The following CNTNAP1 variants were observed in gnomAD, a reference collection of about 807,000 sequenced individuals.
CNTNAP1 encodes the protein contactin associated protein 1, also known as contactin-associated protein 1.
A neutral mutation model predicts 161.5 loss-of-function variants in CNTNAP1; 80 were observed. The observed-to-expected ratio is 0.50, with a 90% CI of 0.41 to 0.60. CNTNAP1 has a LOEUF of 0.60. CNTNAP1 is among the 20% of genes least tolerant of loss of function. The pLI is 0.00. For missense variants in CNTNAP1, 1,464 were observed against 1,854.8 expected (o/e 0.79, Z 3.87); for synonymous variants, 695 against 733.1 (o/e 0.95, Z 0.84).
chr17:42,698,445 A>G (rs998274449), intron 23 of CNTNAP1, among the ~76,000 whole-genome samples, 173 bp from the exon 24 acceptor site: 9 of 139,480 alleles, frequency 6.5e-5, no homozygotes, highest in Non-Finnish European at 1.1e-4. Flanking sequence ...CCAAAAGTAA[A>G]TGTGTGTGTG....
At position 42,687,981 on chromosome 17, in the gene CNTNAP1, G is replaced by A. The variant is rs1421087465; in HGVS notation, c.1306G>A (p.Gly436Arg). 1 of 1,611,506 alleles carries A rather than the reference G, an allele frequency of 6.2e-7. No individual in the cohort carries two copies. Residue 436 changes from glycine (G) to arginine (R), a missense_variant and splice_region_variant, in exon 8 of 24, where the codon GGG becomes AGG. Gly to Arg is a moderately radical substitution (Grantham distance 125, BLOSUM62 -2). Coordinates refer to ENST00000264638, the MANE Select transcript of CNTNAP1 (RefSeq NM_003632.3). This position sits in a 1 kb window ranked among gnomAD's most constrained non-coding sequence, Gnocchi z 4.7. ...SGRKKLQFAA[G>R]YRLNDGFWHE... ...CCGAAAGAAGCTTCAGTTCGCTGCT[G>A]GTGAGGGCGTTTCGGGGGAGGCACA...
chr17:42,688,680 T>A (rs1203875101), intron 9 of CNTNAP1, 69 bp downstream of exon 9: 56 of 1,601,736 alleles, frequency 3.5e-5, no homozygotes, highest in Non-Finnish European at 4.7e-5. Context: ...TCCACCCAGA[T>A]GGGGCCACAT....
In CNTNAP1 at chr17:42,686,136, A is replaced by T. The variant is rs74967402; in HGVS notation, c.895A>T (p.Thr299Ser). 378 of 1,614,174 alleles carry T rather than the reference A, an allele frequency of 2.3e-4. No homozygotes were observed. Among genetic ancestry groups the T allele is most frequent in the Admixed American group, 5.2e-4 (31 of 60,022 alleles). Reference sequence around the variant, plus strand: ...AGACTTCGAGAGGCTGAACCTGGACACTGAGGTGAGAGACTAGGGAGGTGC... The same window carrying T: ...AGACTTCGAGAGGCTGAACCTGGACTCTGAGGTGAGAGACTAGGGAGGTGC... ...NGDFERLNLD[T>S]EMFIGGLVGA... The change falls in exon 6 of 24, where the codon ACT (threonine) becomes TCT (serine). Residue 299 changes from threonine to serine, a missense_variant. This residue lies in a region of CNTNAP1 where 1,383 missense variants were observed against 1,765.0 expected (regional missense o/e 0.78). Coordinates refer to ENST00000264638, the MANE Select transcript of CNTNAP1 (RefSeq NM_003632.3).
In CNTNAP1 at chr17:42,682,795, C is replaced by T; in HGVS notation, c.-35C>T. The T allele has an allele frequency of 1.3e-6, 2 of 1,549,628 alleles. No individual in the cohort carries two copies. The highest frequency in any genetic ancestry group is 1.7e-6 in the Non-Finnish European group (2 of 1,149,170). ...AACTCGAGCCCTAGCCGGAGCCGTT[C>T]ACAGGGAGGCGGCTGCCGGGACCGT... is the stretch of plus-strand genomic sequence containing the variant. On this transcript the variant is annotated 5_prime_UTR_variant, in exon 1 of 24. Transcript: ENST00000264638.
chr17:42,684,192 A>G lies in CNTNAP1; in HGVS notation c.326A>G (p.Asp109Gly). Residue 109 changes from aspartate (D) to glycine (G), a missense_variant, in exon 3 of 24, where the codon GAC becomes GGC. Asp to Gly is a moderately conservative substitution (Grantham distance 94, BLOSUM62 -1). Around this residue, in one of 3 missense-constraint regions of CNTNAP1, gnomAD observed 1,383 missense variants for 1,765.0 expected, o/e 0.78. Transcript: ENST00000264638. Reference sequence around the variant, plus strand: ...ATGCTACTCTACGGCGACCGAGTGGACAGCTGGACACCGTTCTACCAGCGA... The same window carrying G: ...ATGCTACTCTACGGCGACCGAGTGGGCAGCTGGACACCGTTCTACCAGCGA... ...RYMLLYGDRV[D>G]SWTPFYQRGH... 6.2e-7 allele frequency: 1 copy of G among 1,613,992 alleles called. No homozygotes were observed. Among genetic ancestry groups the G allele is most frequent in the Non-Finnish European group, 8.5e-7 (1 of 1,179,992 alleles).
rs999378805 is a variant in CNTNAP1, at chr17:42,683,713, G to T, written c.68-108G>T. 3.4e-6 allele frequency: 5 copies of T among 1,478,336 alleles called. No individual in the cohort carries two copies. The African/African-American group carries it at 7.0e-5, about 21-fold the overall frequency. The allele number at this position is 1,478,336 out of a possible 1,614,324, so 91.6% of individuals were successfully genotyped here. The stretch of plus-strand genomic sequence containing the variant: ...GGTAGGGCTGGGTGTGCCTCTGGGG[G>T]CGGGGGTTGGGGGCACGGAAGGGGA... On this transcript the variant is annotated intron_variant, in intron 1 of 23. Coordinates refer to ENST00000264638, the MANE Select transcript of CNTNAP1 (RefSeq NM_003632.3).
At position 42,690,091 on chromosome 17, in the gene CNTNAP1, T is replaced by G. The variant is rs1252893119; in HGVS notation, c.1739T>G (p.Leu580Trp). 1 of 1,613,680 alleles carries G rather than the reference T, an allele frequency of 6.2e-7. No homozygotes were observed. Among genetic ancestry groups the G allele is most frequent in the South Asian group, 1.1e-5 (1 of 91,070 alleles). The change falls in exon 12 of 24, where the codon TTG becomes TGG. Residue 580 changes from leucine (L) to tryptophan (W), a missense_variant. Physicochemically the swap from Leu to Trp is moderately conservative, Grantham distance 61 (BLOSUM62 -2). Coordinates refer to ENST00000264638, the MANE Select transcript of CNTNAP1 (RefSeq NM_003632.3). ...GYKGETCHTPLYKESCEAYRL... is the reference protein window; with the variant it reads ...GYKGETCHTPWYKESCEAYRL... Reference sequence around the variant, plus strand: ...GTCTCAACCTATTATCTGCCAGCTTTGTATAAGGAATCCTGTGAGGCTTAT... The same window carrying G: ...GTCTCAACCTATTATCTGCCAGCTTGGTATAAGGAATCCTGTGAGGCTTAT...
chr17:42,683,799 A>T, intron 1 of CNTNAP1, 22 bp from the exon 2 acceptor site: 1 of 1,543,918 alleles, frequency 6.5e-7, no homozygotes, highest in South Asian at 1.1e-5. Context: ...GCGCTGACTA[A>T]CAGTCGGTTT....
At chr17:42,695,122 T>C (rs1455196582) in intron 18 of CNTNAP1, among the ~76,000 whole-genome samples, 2 of 152,168 alleles carry the variant, frequency 1.3e-5, no homozygotes, top group Non-Finnish European at 1.5e-5. Context: ...AAGTTTTGTA[T>C]TTTTAGTAGA....
Position 42,683,875 on chromosome 17 carries a change from C to T in CNTNAP1, c.122C>T (p.Ser41Phe), listed in dbSNP as rs1297151855. ...CTGTATGCACGCTCCCTGGGCGCCT[C>T]CTCCTACTACAGTCTCCTTACTGCG... is the stretch of plus-strand genomic sequence containing the variant. Reference protein sequence around the residue: ...GPLYARSLGASSYYSLLTAPR... With the variant: ...GPLYARSLGAFSYYSLLTAPR... Residue 41 changes from serine to phenylalanine, a missense_variant, in exon 2 of 24, where the codon TCC becomes TTC. Around this residue, in one of 3 missense-constraint regions of CNTNAP1, gnomAD observed 77 missense variants for 73.6 expected, o/e 1.05. Coordinates refer to ENST00000264638, the MANE Select transcript of CNTNAP1 (RefSeq NM_003632.3). 1 of 1,613,342 alleles carries T rather than the reference C, an allele frequency of 6.2e-7. No homozygotes were observed. The highest frequency in any genetic ancestry group is 1.7e-5 in the Admixed American group (1 of 59,990).
intron 16 of CNTNAP1, 113 bp from the exon 17 acceptor site, chr17:42,692,386 A>G: frequency 3.5e-6 from 3 of 859,990 alleles, no homozygotes; most frequent in Non-Finnish European, 5.5e-6. Flanking sequence ...AATTGGAGGG[A>G]TATTCAAGAA....
At chr17:42,688,727 G>A (rs2053049324) in intron 9 of CNTNAP1, 116 bp downstream of exon 9, 1 of 1,524,314 alleles carries the variant, frequency 6.6e-7, no homozygotes, top group Admixed American at 1.8e-5. Flanking sequence ...CTTCCCCTCT[G>A]GGGCCTCAGG....
intron 23 of CNTNAP1, 68 bp from the exon 24 acceptor site, chr17:42,698,534 CGTGTGTGTGTGTGTGT>C (rs112344327): frequency 1.0e-5 from 9 of 865,204 alleles, no homozygotes; most frequent in Admixed American, 2.6e-5. Flanking sequence ...TCAAAGAGTG[CGTGTGTGTGTGTGTGT>C]GTGTGTGTGT....
chr17:42,688,007 A>G (rs1159054695), intron 8 of CNTNAP1, 26 bp downstream of exon 8: 4 of 1,603,574 alleles, frequency 2.5e-6, no homozygotes, highest in Admixed American at 3.4e-5. Flanking sequence ...GGGAGGCACA[A>G]GAAGAGAAGA....
rs2053028755 is a variant in CNTNAP1, at chr17:42,687,151, C to T, written c.1044+105C>T. On this transcript the variant is annotated intron_variant, in intron 7 of 23. Transcript: ENST00000264638. The surrounding 1 kb of genome is among the most constrained non-coding windows in gnomAD (Gnocchi z 4.7). ...GAACATCAGATAAAAGCGGAGAATCCCTCTGTCCCCAGCCAGATGCTCAAG... is the reference window on the plus strand; with the variant it reads ...GAACATCAGATAAAAGCGGAGAATCTCTCTGTCCCCAGCCAGATGCTCAAG... 4 of 1,468,856 alleles carry T rather than the reference C, an allele frequency of 2.7e-6. No individual in the cohort carries two copies. The highest frequency in any genetic ancestry group is 3.7e-6 in the Non-Finnish European group (4 of 1,086,028). The allele number at this position is 1,468,856 out of a possible 1,614,324, so 91.0% of individuals were successfully genotyped here.
Position 42,691,726 on chromosome 17 carries a change from C to T in CNTNAP1, c.2345-80C>T. The T allele has an allele frequency of 6.7e-7, 1 of 1,487,984 alleles. No individual in the cohort carries two copies. Among genetic ancestry groups the T allele is most frequent in the Non-Finnish European group, 9.3e-7 (1 of 1,076,544 alleles). 92.2% of individuals were successfully genotyped at this position (1,487,984 alleles called of 1,614,324 possible). On this transcript the variant is annotated intron_variant, in intron 15 of 23. Coordinates refer to ENST00000264638, the MANE Select transcript of CNTNAP1 (RefSeq NM_003632.3). The surrounding 1 kb of genome is among the most constrained non-coding windows in gnomAD (Gnocchi z 4.3). Reference sequence around the variant, plus strand: ...AAACCCTCCCCCTTTGCCCAACCTTCCCTGCCCCCAACCCCAGGTTCTCTT... The same window carrying T: ...AAACCCTCCCCCTTTGCCCAACCTTTCCTGCCCCCAACCCCAGGTTCTCTT...
rs558470549 is a variant in CNTNAP1, at chr17:42,684,922, C to T, written c.364-69C>T. ...CCTGGGCGACAGAGCGAGACTCTGT[C>T]TCAAAAAATAAAATAAAAAAAAGAA... On this transcript the variant is annotated intron_variant, in intron 3 of 23. Coordinates refer to ENST00000264638, the MANE Select transcript of CNTNAP1 (RefSeq NM_003632.3). The T allele has an allele frequency of 1.5e-5, 23 of 1,555,338 alleles. No homozygotes were observed. In the East Asian group the frequency reaches 4.1e-4, roughly 28 times the overall value.
intron 12 of CNTNAP1, 140 bp downstream of exon 12, chr17:42,690,347 C>T (rs2053068873): frequency 9.3e-7 from 1 of 1,079,648 alleles, no homozygotes; most frequent in Non-Finnish European, 1.3e-6. Flanking sequence ...TGTAACCTAG[C>T]CTTAAAAGTA....
Position 42,685,438 on chromosome 17 carries a change from G to A in CNTNAP1, c.715+18G>A, listed in dbSNP as rs757416273. On this transcript the variant is annotated intron_variant, in intron 5 of 23. Coordinates refer to ENST00000264638, the MANE Select transcript of CNTNAP1 (RefSeq NM_003632.3). This position sits in a 1 kb window ranked among gnomAD's most constrained non-coding sequence, Gnocchi z 5.0. ...GAGCCTGGGTGAGCTCGGCGACCAT[G>A]TGCGATGCGGAGCCAACCCCTGAAG... The A allele has an allele frequency of 1.9e-6, 3 of 1,593,848 alleles. No individual in the cohort carries two copies. In the East Asian group the frequency reaches 6.7e-5, roughly 36 times the overall value.
Sources: allele counts gnomAD v4.1 joint callset (sites outside exome capture counted in the v4.1 genomes callset), GRCh38; gene constraint gnomAD v4.1.1; regional missense constraint gnomAD v4.1.1; non-coding constraint Gnocchi (gnomAD v3.1); transcripts MANE v1.5; gene names NCBI Gene and HGNC (gene_info 2026-07-23, HGNC 2026-07-21).